Variants in ZNF521 observed in about 807,000 individuals in gnomAD.
ZNF521 encodes the protein zinc finger protein 521.
In ZNF521, 14 loss-of-function variants were observed where a neutral mutation model predicts 105.5. The ratio of observed to expected loss-of-function variants is 0.13; its 90% CI spans 0.09 to 0.21. The LOEUF (loss-of-function observed/expected upper bound fraction) is 0.21. Ranked by LOEUF, ZNF521 falls within the 10% of genes least tolerant of loss-of-function variation. ZNF521 has a pLI of 1.00. For missense variants in ZNF521, 1,233 were observed against 1,629.7 expected (o/e 0.76, Z 4.19); for synonymous variants, 635 against 606.0 (o/e 1.05, Z -0.70).
chr18:25,252,191 A>G (rs1908169003), intron 3 of ZNF521, among the ~76,000 whole-genome samples: 1 of 152,164 alleles, frequency 6.6e-6, no homozygotes, highest in Non-Finnish European at 1.5e-5. Flanking sequence ...GGGCGGTTCT[A>G]TAAATAAGAC....
At chr18:25,188,230 G>A (rs2035759580) in intron 5 of ZNF521, among the ~76,000 whole-genome samples, 1 of 152,068 alleles carries the variant, frequency 6.6e-6, no homozygotes, top group Non-Finnish European at 1.5e-5. Flanking sequence ...TTGCAATCTT[G>A]GCAGGTAGCT....
chr18:25,300,929 A>G (rs1911609189), intron 3 of ZNF521, among the ~76,000 whole-genome samples: 3 of 152,226 alleles, frequency 2.0e-5, no homozygotes, highest in Admixed American at 6.5e-5. Context: ...GAGCATTGCA[A>G]GTACAAAGAT....
intron 2 of ZNF521, among the ~76,000 whole-genome samples, chr18:25,339,397 T>A (rs1914075683): frequency 6.6e-6 from 1 of 152,210 alleles, no homozygotes; most frequent in African/African-American, 2.4e-5. Context: ...AAGCGCTTCC[T>A]CCAGAATCCT....
rs76466010 is a variant in ZNF521 at position 25,198,454 on chromosome 18, A to T, written c.3574-3210T>A. Among the ~76,000 whole-genome samples, 793 of 151,868 alleles carry T rather than the reference A, an allele frequency of 5.2e-3. 6 individuals carry two copies. Among genetic ancestry groups the T allele is most frequent in the African/African-American group, 0.018 (751 of 41,500 alleles). On this transcript the variant is annotated intron_variant, in intron 4 of 7. Coordinates refer to ENST00000361524, the MANE Select transcript of ZNF521 (RefSeq NM_015461.3). ...ATTCCCCTCCATTCCATCCATTAGG[A>T]CTCAGACTTCACATTTAGTCTTACC...
At chr18:25,249,436 C>T (rs1036862636) in intron 3 of ZNF521, among the ~76,000 whole-genome samples, 1 of 151,548 alleles carries the variant, frequency 6.6e-6, no homozygotes, top group Non-Finnish European at 1.5e-5. Context: ...GGATTACAGG[C>T]TTGAGCCACC....
chr18:25,143,188 A>T (rs2034882407), intron 5 of ZNF521, among the ~76,000 whole-genome samples: 1 of 152,180 alleles, frequency 6.6e-6, no homozygotes, highest in Non-Finnish European at 1.5e-5. Flanking sequence ...TGAACATAGT[A>T]TCAAAGAGTG....
At chr18:25,104,406 C>T (rs1198019463) in intron 5 of ZNF521, among the ~76,000 whole-genome samples, 1 of 152,212 alleles carries the variant, frequency 6.6e-6, no homozygotes, top group Non-Finnish European at 1.5e-5. Context: ...AATTCCAATG[C>T]TGTCTTAAAC....
intron 5 of ZNF521, among the ~76,000 whole-genome samples, chr18:25,187,274 G>A (rs950853265): frequency 4.6e-5 from 7 of 152,136 alleles, no homozygotes; most frequent in Non-Finnish European, 7.3e-5. Flanking sequence ...CCAAAACTCT[G>A]AGGAAGACTT....
chr18:25,082,713 GA>G (rs1374036821), intron 7 of ZNF521: 1 of 409,386 alleles, frequency 2.4e-6, no homozygotes, highest in Non-Finnish European at 4.8e-6. Context: ...GTGGCAGTGT[GA>G]ACCTGTAATC....
At chr18:25,291,366 A>G (rs1754319443) in intron 3 of ZNF521, among the ~76,000 whole-genome samples, 1 of 152,228 alleles carries the variant, frequency 6.6e-6, no homozygotes, top group South Asian at 2.1e-4. Flanking sequence ...TTGGCTTAGG[A>G]AAGCCTCCCA....
chr18:25,310,663 T>C (rs1432210674), intron 3 of ZNF521, among the ~76,000 whole-genome samples: 1 of 152,174 alleles, frequency 6.6e-6, no homozygotes, highest in Non-Finnish European at 1.5e-5. Flanking sequence ...ATGATTATCT[T>C]TGGTCCTATT....
chr18:25,147,596 T>A (rs977390148), intron 5 of ZNF521, among the ~76,000 whole-genome samples: 3 of 152,158 alleles, frequency 2.0e-5, no homozygotes, highest in Non-Finnish European at 4.4e-5. Flanking sequence ...ATTTATTTAA[T>A]ATTGATCTTT....
chr18:25,179,116 CTTTTTTTTTTTTTTTTTTTTTTTTTTTTT>C (rs1175859497), intron 5 of ZNF521, among the ~76,000 whole-genome samples: 17 of 52,482 alleles, frequency 3.2e-4, no homozygotes, highest in Admixed American at 6.5e-4. Flanking sequence ...TTCTTTATTC[CTTTTTTTTTTTTTTTTTTTTTTTTTTTTT>C]TTTTTTTTTT....
intron 5 of ZNF521, among the ~76,000 whole-genome samples, chr18:25,134,927 GC>G (rs2034705541): frequency 6.6e-6 from 1 of 152,042 alleles, no homozygotes; most frequent in South Asian, 2.1e-4. Context: ...AGAATGTACG[GC>G]CCCATAACTA....
At chr18:25,243,335 T>C (rs894577570) in intron 3 of ZNF521, among the ~76,000 whole-genome samples, 3 of 152,196 alleles carry the variant, frequency 2.0e-5, no homozygotes, top group African/African-American at 7.2e-5. Context: ...TCAGCTTACA[T>C]GCTATACCAA....
intron 3 of ZNF521, among the ~76,000 whole-genome samples, chr18:25,288,200 T>C (rs933683090): frequency 1.3e-5 from 2 of 152,170 alleles, no homozygotes; most frequent in Non-Finnish European, 1.5e-5. Flanking sequence ...TTTGGATTTT[T>C]CCCCCAACTG....
chr18:25,067,127 TAACTGAA>T (rs1328403879), intron 7 of ZNF521, among the ~76,000 whole-genome samples: 1 of 152,092 alleles, frequency 6.6e-6, no homozygotes, highest in East Asian at 1.9e-4. Flanking sequence ...CATGTCTAAG[TAACTGAA>T]AATTGCAAAC....
intron 7 of ZNF521, among the ~76,000 whole-genome samples, chr18:25,074,876 C>T (rs542125931): frequency 5.9e-5 from 9 of 152,154 alleles, no homozygotes; most frequent in African/African-American, 1.7e-4. Flanking sequence ...AATTCCTCCA[C>T]GCAGAGATGT....
At chr18:25,216,074 T>C (rs548116306) in intron 4 of ZNF521, among the ~76,000 whole-genome samples, 24 of 152,340 alleles carry the variant, frequency 1.6e-4, no homozygotes, top group Admixed American at 5.2e-4. Context: ...CATAATTAAC[T>C]TAGCAAAACT....
Sources: gnomAD v4.1 joint callset for allele counts (sites outside exome capture counted in the v4.1 genomes callset) on GRCh38, gnomAD v4.1.1 for gene constraint, MANE v1.5 for transcripts, NCBI Gene and HGNC (gene_info 2026-07-23, HGNC 2026-07-21) for gene names.